SAMMSON: variants seen among roughly 807,000 people sequenced by gnomAD.
SAMMSON encodes survival associated mitochondrial melanoma specific oncogenic non-coding RNA.
intron 3 of SAMMSON, among the ~76,000 whole-genome samples, chr3:70,029,407 G>A (rs1255632730): frequency 6.6e-6 from 1 of 152,132 alleles, no homozygotes; most frequent in Non-Finnish European, 1.5e-5. Context: ...AGCTAGAATA[G>A]TGCTTCTAAA....
At chr3:70,431,871 A>T (rs1701416425) in intron 2 of SAMMSON, among the ~76,000 whole-genome samples, 1 of 152,068 alleles carries the variant, frequency 6.6e-6, no homozygotes, top group Admixed American at 6.5e-5. Context: ...CTTTCGCTTA[A>T]CAAAATATTT....
intron 7 of SAMMSON, among the ~76,000 whole-genome samples, chr3:70,320,003 T>A (rs1702525171): frequency 6.6e-6 from 1 of 152,000 alleles, no homozygotes; most frequent in Non-Finnish European, 1.5e-5. Flanking sequence ...GCATCCAACA[T>A]GGTGTCCGAG....
At chr3:70,042,534 C>T (rs895780813) in intron 3 of SAMMSON, among the ~76,000 whole-genome samples, 2 of 151,998 alleles carry the variant, frequency 1.3e-5, no homozygotes, top group African/African-American at 4.8e-5. Flanking sequence ...TATATGCTTG[C>T]TAGAGATTCT....
intron 6 of SAMMSON, among the ~76,000 whole-genome samples, chr3:70,260,155 T>C (rs1447166099): frequency 3.9e-5 from 6 of 152,190 alleles, no homozygotes; most frequent in Admixed American, 1.3e-4. Flanking sequence ...GGCAGAGCCA[T>C]GTTCCCTCTG....
chr3:70,409,551 C>T (rs1331963879), intron 2 of SAMMSON, among the ~76,000 whole-genome samples: 1 of 151,978 alleles, frequency 6.6e-6, no homozygotes, highest in East Asian at 1.9e-4. Flanking sequence ...GGTTGCAACA[C>T]TGGCTCCAAG....
At chr3:70,349,908 GC>G (rs1193337821) in intron 7 of SAMMSON, among the ~76,000 whole-genome samples, 10 of 152,144 alleles carry the variant, frequency 6.6e-5, no homozygotes, top group Non-Finnish European at 1.2e-4. Flanking sequence ...GGTATTAAGG[GC>G]AAATGTCAAT....
intron 2 of SAMMSON, among the ~76,000 whole-genome samples, chr3:70,433,942 C>G (rs954896241): frequency 6.6e-6 from 1 of 152,140 alleles, no homozygotes; most frequent in East Asian, 1.9e-4. Flanking sequence ...TGTCAAAGAT[C>G]GGTTGACTAT....
intron 4 of SAMMSON, among the ~76,000 whole-genome samples, chr3:70,111,791 C>G (rs1302105664): frequency 6.6e-6 from 1 of 151,864 alleles, no homozygotes; most frequent in Non-Finnish European, 1.5e-5. Flanking sequence ...TAATATAAAC[C>G]TCAATGGATA....
intron 6 of SAMMSON, among the ~76,000 whole-genome samples, chr3:70,279,315 T>C (rs188389636): frequency 9.2e-5 from 14 of 152,076 alleles, no homozygotes; most frequent in Non-Finnish European, 1.8e-4. Context: ...CTTGAACACA[T>C]ATGGAGTGGG....
intron 2 of SAMMSON, among the ~76,000 whole-genome samples, chr3:70,404,407 G>A (rs930838123): frequency 1.3e-5 from 2 of 152,156 alleles, no homozygotes; most frequent in African/African-American, 2.4e-5. Context: ...CCATATGGCA[G>A]TTTTGATCTT....
At chr3:70,094,707 C>A (rs1203224384) in intron 4 of SAMMSON, 1 of 152,212 alleles carries the variant, frequency 6.6e-6, no homozygotes, top group Non-Finnish European at 1.5e-5. Context: ...ATGTTACGAA[C>A]TGAAGGTGGG....
intron 1 of SAMMSON, among the ~76,000 whole-genome samples, chr3:70,002,898 A>G (rs191803862): frequency 1.3e-5 from 2 of 152,224 alleles, no homozygotes; most frequent in Admixed American, 6.5e-5. Flanking sequence ...CAGATCTTTT[A>G]CATCTATACT....
intron 7 of SAMMSON, among the ~76,000 whole-genome samples, chr3:70,292,598 A>G (rs1361921306): frequency 2.0e-5 from 3 of 152,082 alleles, no homozygotes; most frequent in South Asian, 2.1e-4. Flanking sequence ...TTTTTTATCT[A>G]TCTTGCTTTT....
At chr3:70,056,934 C>T (rs990742824) in intron 3 of SAMMSON, among the ~76,000 whole-genome samples, 7 of 151,960 alleles carry the variant, frequency 4.6e-5, no homozygotes, top group East Asian at 1.9e-4. Context: ...AAAAATATGA[C>T]GGCATTTAGT....
chr3:70,000,302 C>T (rs776396307), intron 1 of SAMMSON, among the ~76,000 whole-genome samples: 7 of 152,182 alleles, frequency 4.6e-5, no homozygotes, highest in Non-Finnish European at 8.8e-5. Context: ...GCTGAAGAAA[C>T]GAGCCACACT....
chr3:70,329,141 G>C (rs993284745), intron 7 of SAMMSON, among the ~76,000 whole-genome samples: 41 of 152,162 alleles, frequency 2.7e-4, no homozygotes, highest in Admixed American at 9.8e-4. Context: ...AAGAGTAGCA[G>C]TAAATTTTCT....
intron 9 of SAMMSON, among the ~76,000 whole-genome samples, chr3:70,365,798 G>C (rs1259427379): frequency 6.6e-6 from 1 of 151,470 alleles, no homozygotes; most frequent in Non-Finnish European, 1.5e-5. Context: ...TGATTGTTTT[G>C]TCACTTTCTT....
At chr3:70,092,447 GT>G (rs11428459) in intron 4 of SAMMSON, among the ~76,000 whole-genome samples, 2 of 145,554 alleles carry the variant, frequency 1.4e-5, no homozygotes, top group African/African-American at 2.5e-5. Context: ...AACTCATGCT[GT>G]TTTTTTTTTT....
At chr3:70,245,716 C>A (rs1201220779) in intron 4 of SAMMSON, among the ~76,000 whole-genome samples, 2 of 69,774 alleles carry the variant, frequency 2.9e-5, no homozygotes, top group African/African-American at 9.1e-5. Flanking sequence ...TATATATATA[C>A]ACATTCAAAT....
Sources: allele counts gnomAD v4.1 joint callset (sites outside exome capture counted in the v4.1 genomes callset), GRCh38; gene constraint gnomAD v4.1.1; transcripts MANE v1.5; gene names NCBI Gene and HGNC (gene_info 2026-07-23, HGNC 2026-07-21).